The following CRYBG3 variants were observed in gnomAD, a reference collection of about 807,000 sequenced individuals.
CRYBG3 encodes the protein very large A-kinase anchor protein.
A neutral mutation model predicts 244.2 loss-of-function variants in CRYBG3; 127 were observed. The observed-to-expected ratio is 0.52, with a 90% CI of 0.45 to 0.60. The LOEUF is 0.60. Ranked by LOEUF, CRYBG3 falls within the 20% of genes least tolerant of loss-of-function variation. The pLI is 0.00. For missense variants in CRYBG3, 3,325 were observed against 3,442.5 expected, an observed-to-expected ratio of 0.97 and a Z score of 0.85; for synonymous variants, 1,132 against 1,195.8, an observed-to-expected ratio of 0.95 and a Z score of 1.10.
intron 19 of CRYBG3, among the ~76,000 whole-genome samples, chr3:97,939,836 G>A (rs139959326): frequency 1.4e-4 from 21 of 152,094 alleles, no homozygotes; most frequent in Non-Finnish European, 2.6e-4. Flanking sequence ...GAGCTTGTTC[G>A]CCTGGTTTAA....
chr3:97,856,636 G>A (rs553624334), intron 2 of CRYBG3, among the ~76,000 whole-genome samples: 1 of 152,104 alleles, frequency 6.6e-6, no homozygotes, highest in African/African-American at 2.4e-5. Flanking sequence ...TCCGTTTGGG[G>A]TCCCTGACTT....
chr3:97,850,465 G>A (rs2038968956), intron 2 of CRYBG3, among the ~76,000 whole-genome samples: 1 of 151,982 alleles, frequency 6.6e-6, no homozygotes, highest in African/African-American at 2.4e-5. Context: ...ATTTTTAGAA[G>A]GTAAAATTTT....
chr3:97,832,452 A>G (rs2038667485), intron 1 of CRYBG3, among the ~76,000 whole-genome samples: 1 of 152,180 alleles, frequency 6.6e-6, no homozygotes, highest in Non-Finnish European at 1.5e-5. Context: ...AAACCTGACA[A>G]AAACAAGCAA....
In CRYBG3 at chr3:97,943,219, A is replaced by G. The variant is rs1234853237; in HGVS notation, c.8825-7A>G. 1 of 1,514,062 alleles carries G rather than the reference A, an allele frequency of 6.6e-7. No individual in the cohort carries two copies. Among genetic ancestry groups the G allele is most frequent in the African/African-American group, 1.4e-5 (1 of 71,568 alleles). 93.8% of individuals were successfully genotyped at this position (1,514,062 alleles called of 1,614,324 possible). The stretch of plus-strand genomic sequence containing the variant: ...AATAATCTTTTCTTTTGGAATTTCT[A>G]TTTTAGGAGGAAATTATTGTGACAA... On this transcript the variant is annotated splice_region_variant and splice_polypyrimidine_tract_variant and intron_variant, in intron 21 of 21. Transcript: ENST00000389622.
intron 2 of CRYBG3, among the ~76,000 whole-genome samples, chr3:97,858,830 G>T (rs1268842609): frequency 6.6e-6 from 1 of 151,936 alleles, no homozygotes; most frequent in Non-Finnish European, 1.5e-5. Context: ...TTTCTTGGTT[G>T]TCTGTTACTG....
chr3:97,876,206 A>T lies in CRYBG3; in HGVS notation c.5012A>T (p.Tyr1671Phe). Reference sequence around the variant, plus strand: ...GTTACAGTAGACATGGAAAATATTTACCAAACGCATGCTGAAGGGGATATT... The same window carrying T: ...GTTACAGTAGACATGGAAAATATTTTCCAAACGCATGCTGAAGGGGATATT... ...TPVTVDMENI[Y>F]QTHAEGDIGK... The change falls in exon 4 of 22, where the codon TAC becomes TTC. Residue 1671 changes from tyrosine (Y) to phenylalanine (F), a missense_variant. This residue lies in a region of CRYBG3 where 635 missense variants were observed against 771.7 expected (regional missense o/e 0.82). Coordinates refer to ENST00000389622, the MANE Select transcript of CRYBG3 (RefSeq NM_153605.4). 2 of 1,232,042 alleles carry T rather than the reference A, an allele frequency of 1.6e-6. No homozygotes were observed. The highest frequency in any genetic ancestry group is 2.0e-6 in the Non-Finnish European group (2 of 987,922). The allele number at this position is 1,232,042 out of a possible 1,614,324, so 76.3% of individuals were successfully genotyped here. A position where few individuals can be genotyped will look rare whatever the true frequency, so the allele number is the denominator to read the frequency against.
At chr3:97,825,063 A>G (rs1221721986) in intron 1 of CRYBG3, among the ~76,000 whole-genome samples, 1 of 152,212 alleles carries the variant, frequency 6.6e-6, no homozygotes, top group Non-Finnish European at 1.5e-5. Flanking sequence ...AAGGCATTCC[A>G]GACTGAGCAA....
At chr3:97,917,727 C>G (rs1378634127) in intron 17 of CRYBG3, among the ~76,000 whole-genome samples, 1 of 152,096 alleles carries the variant, frequency 6.6e-6, no homozygotes, top group African/African-American at 2.4e-5. Context: ...TCTGGAAGAA[C>G]AAGGGAAACT....
intron 7 of CRYBG3, among the ~76,000 whole-genome samples, chr3:97,883,641 AT>A (rs887009562): frequency 6.0e-5 from 9 of 149,586 alleles, no homozygotes; most frequent in Non-Finnish European, 6.0e-5. Context: ...TCTCGGAATC[AT>A]TTTTTTTTTA....
At chr3:97,855,668 G>C (rs2039053346) in intron 2 of CRYBG3, among the ~76,000 whole-genome samples, 1 of 152,114 alleles carries the variant, frequency 6.6e-6, no homozygotes, top group Non-Finnish European at 1.5e-5. Context: ...AAGGGACAGA[G>C]TACAAAAGAG....
intron 4 of CRYBG3, among the ~76,000 whole-genome samples, chr3:97,879,327 C>G (rs1346816267): frequency 2.0e-5 from 3 of 152,180 alleles, no homozygotes; most frequent in African/African-American, 7.2e-5. Context: ...TTTTCAAGGT[C>G]CCTCAATACT....
At chr3:97,913,270 G>C (rs370898986) in intron 16 of CRYBG3, among the ~76,000 whole-genome samples, 76 of 152,220 alleles carry the variant, frequency 5.0e-4, no homozygotes, top group African/African-American at 1.7e-3. Context: ...CCATCAACTA[G>C]CCTCCTTTCC....
At chr3:97,889,257 T>C (rs1257033904) in intron 9 of CRYBG3, 98 bp from the exon 10 acceptor site, 4 of 942,730 alleles carry the variant, frequency 4.2e-6, no homozygotes, top group Non-Finnish European at 6.7e-6. Context: ...CTTCACTGGT[T>C]AGATTTTTAT....
intron 3 of CRYBG3, among the ~76,000 whole-genome samples, chr3:97,865,623 G>A (rs2108205760): frequency 6.6e-6 from 1 of 152,254 alleles, no homozygotes; most frequent in East Asian, 1.9e-4. Flanking sequence ...TTGAAACAGT[G>A]TCATACTGAT....
intron 2 of CRYBG3, among the ~76,000 whole-genome samples, chr3:97,860,750 G>A (rs1023574653): frequency 6.6e-6 from 1 of 152,026 alleles, no homozygotes; most frequent in Non-Finnish European, 1.5e-5. Flanking sequence ...GACTAACCTG[G>A]TCTGGTTTTG....
In CRYBG3 at chr3:97,873,674, A is replaced by C; in HGVS notation, c.2480A>C (p.Glu827Ala). Residue 827 changes from glutamate (E) to alanine (A), a missense_variant, in exon 4 of 22, where the codon GAG (glutamate) becomes GCG (alanine). Around this residue, in one of 4 missense-constraint regions of CRYBG3, gnomAD observed 1,526 missense variants for 1,443.2 expected, o/e 1.06. Coordinates refer to ENST00000389622, the MANE Select transcript of CRYBG3 (RefSeq NM_153605.4). ...EIDGQNNVLVESHSGRGKTIS... is the reference protein window; with the variant it reads ...EIDGQNNVLVASHSGRGKTIS... ...GATGGTCAGAACAATGTTCTTGTGG[A>C]GTCACATTCTGGAAGAGGAAAAACT... 1 of 1,535,714 alleles carries C rather than the reference A, an allele frequency of 6.5e-7. No homozygotes were observed. The highest frequency in any genetic ancestry group is 1.2e-5 in the South Asian group (1 of 83,984).
intron 2 of CRYBG3, among the ~76,000 whole-genome samples, chr3:97,858,877 T>C (rs1214695884): frequency 6.6e-6 from 1 of 152,214 alleles, no homozygotes; most frequent in Non-Finnish European, 1.5e-5. Context: ...CATTTCTTGC[T>C]TTTTCATGTT....
rs978389353 is a variant in CRYBG3 at position 97,871,859 on chromosome 3, C to T, written c.665C>T (p.Pro222Leu). ...TNLLKQIDGK[P>L]EKPSVTYATY... is the part of the protein sequence containing the mutation. ...TTTTACAGACAAATCGATGGTAAAC[C>T]AGAGAAGCCTTCAGTAACATATGCA... Residue 222 changes from proline (P) to leucine (L), a missense_variant, in exon 4 of 22, where the codon CCA (proline) becomes CTA (leucine). Around this residue, in one of 4 missense-constraint regions of CRYBG3, gnomAD observed 1,526 missense variants for 1,443.2 expected, o/e 1.06. Coordinates refer to ENST00000389622, the MANE Select transcript of CRYBG3 (RefSeq NM_153605.4). The T allele has an allele frequency of 3.3e-6, 5 of 1,502,776 alleles. No homozygotes were observed. Among genetic ancestry groups the T allele is most frequent in the Non-Finnish European group, 4.4e-6 (5 of 1,136,002 alleles). 93.1% of individuals were successfully genotyped at this position (1,502,776 alleles called of 1,614,324 possible). A position where few individuals can be genotyped will look rare whatever the true frequency, so the allele number is the denominator to read the frequency against.
Position 97,875,363 on chromosome 3 carries a change from C to G in CRYBG3, c.4169C>G (p.Thr1390Arg). 7.0e-7 allele frequency: 1 copy of G among 1,422,452 alleles called. No individual in the cohort carries two copies. Among genetic ancestry groups the G allele is most frequent in the Non-Finnish European group, 9.1e-7 (1 of 1,096,730 alleles). 88.1% of individuals were successfully genotyped at this position (1,422,452 alleles called of 1,614,324 possible). The change falls in exon 4 of 22, where the codon ACA (threonine) becomes AGA (arginine). Residue 1390 changes from threonine (T) to arginine (R), a missense_variant. By Grantham distance (71) the Thr-to-Arg change is moderately conservative. Coordinates refer to ENST00000389622, the MANE Select transcript of CRYBG3 (RefSeq NM_153605.4). ...TCCCTAAGTAACTTAGCTAGTGGCA[C>G]AGAGTCAATTAAGGGAGGAGAAATT... ...FFSLSNLASG[T>R]ESIKGGEIVL...
Sources: gnomAD v4.1 joint callset for allele counts (sites outside exome capture counted in the v4.1 genomes callset) on GRCh38, gnomAD v4.1.1 for gene constraint, gnomAD v4.1.1 regional missense constraint, MANE v1.5 for transcripts, NCBI Gene and HGNC (gene_info 2026-07-23, HGNC 2026-07-21) for gene names.